DCDC1: variants seen among roughly 807,000 people sequenced by gnomAD.
DCDC1 encodes the protein doublecortin domain containing 1.
Under a neutral mutation model 178.3 loss-of-function variants are expected in DCDC1, and 200 were observed. The ratio of observed to expected loss-of-function variants is 1.12; its 90% CI spans 1.00 to 1.26. The LOEUF (loss-of-function observed/expected upper bound fraction) is 1.26. DCDC1 is among the 50% of genes most tolerant of loss of function. The pLI is 0.00. For synonymous variants in DCDC1, 690 were observed against 604.8 expected, an observed-to-expected ratio of 1.14 and a Z score of -2.07; for missense variants, 1,983 against 1,749.2, an observed-to-expected ratio of 1.13 and a Z score of -2.38.
intron 9 of DCDC1, among the ~76,000 whole-genome samples, chr11:31,144,430 C>A (rs574948320): frequency 6.6e-6 from 1 of 152,268 alleles, no homozygotes; most frequent in Non-Finnish European, 1.5e-5. Flanking sequence ...AACCACCGTG[C>A]CCGGCCAAAG....
intron 7 of DCDC1, among the ~76,000 whole-genome samples, chr11:31,270,216 C>A (rs921412219): frequency 6.6e-6 from 1 of 152,244 alleles, no homozygotes; most frequent in African/African-American, 2.4e-5. Flanking sequence ...TTTTGAATTC[C>A]TAAAACAGAA....
intron 1 of DCDC1, among the ~76,000 whole-genome samples, chr11:31,351,293 C>A (rs1480204365): frequency 6.6e-6 from 1 of 151,998 alleles, no homozygotes. Context: ...ATGGCTCTGG[C>A]ATATTTATTT....
At chr11:31,158,169 C>T (rs779164212) in intron 9 of DCDC1, among the ~76,000 whole-genome samples, 16 of 152,144 alleles carry the variant, frequency 1.1e-4, no homozygotes, top group East Asian at 3.9e-4. Context: ...AGTGCAGTGG[C>T]GCAATCTCGG....
At chr11:30,944,957 G>GTTT (rs1391698445) in intron 21 of DCDC1, among the ~76,000 whole-genome samples, 14 of 109,024 alleles carry the variant, frequency 1.3e-4, no homozygotes, top group African/African-American at 5.2e-4. Flanking sequence ...CAACAAAAAT[G>GTTT]TCTTTTTTTT....
chr11:30,935,056 T>C (rs1297260139), intron 21 of DCDC1, among the ~76,000 whole-genome samples: 2 of 152,264 alleles, frequency 1.3e-5, no homozygotes, highest in East Asian at 3.9e-4. Flanking sequence ...ATACCTGAGA[T>C]GCTACTTTTG....
intron 21 of DCDC1, chr11:30,943,676 T>C (rs1253936203): frequency 4.4e-6 from 2 of 452,706 alleles, no homozygotes; most frequent in Admixed American, 4.8e-5. Context: ...TCCAGTGAAC[T>C]TAGTCACAAA....
At chr11:30,969,197 T>C (rs1409618105) in intron 20 of DCDC1, among the ~76,000 whole-genome samples, 1 of 152,142 alleles carries the variant, frequency 6.6e-6, no homozygotes, top group Non-Finnish European at 1.5e-5. Context: ...AAAATTAAAC[T>C]TTGTGGGTAT....
chr11:31,124,591 G>A (rs1961323662), intron 11 of DCDC1, among the ~76,000 whole-genome samples: 1 of 152,062 alleles, frequency 6.6e-6, no homozygotes, highest in Non-Finnish European at 1.5e-5. Context: ...CAGACATGTA[G>A]ACCAATGGAA....
chr11:31,185,672 G>T (rs1969391269), intron 9 of DCDC1, among the ~76,000 whole-genome samples: 1 of 152,100 alleles, frequency 6.6e-6, no homozygotes, highest in South Asian at 2.1e-4. Flanking sequence ...TTTAAGATTT[G>T]GATGCCAATC....
intron 9 of DCDC1, among the ~76,000 whole-genome samples, chr11:31,231,875 T>G (rs1004127088): frequency 6.6e-6 from 1 of 152,242 alleles, no homozygotes; most frequent in Non-Finnish European, 1.5e-5. Flanking sequence ...AGGAAAACAC[T>G]TCTTGGCATG....
At chr11:31,216,249 A>C (rs1457958797) in intron 9 of DCDC1, among the ~76,000 whole-genome samples, 1 of 152,162 alleles carries the variant, frequency 6.6e-6, no homozygotes, top group Non-Finnish European at 1.5e-5. Context: ...GGCATGATAG[A>C]CATGGGTAGA....
intron 6 of DCDC1, among the ~76,000 whole-genome samples, chr11:31,292,670 T>C (rs1174679492): frequency 6.6e-6 from 1 of 152,000 alleles, no homozygotes; most frequent in Non-Finnish European, 1.5e-5. Context: ...ATGATGGAAA[T>C]ATTTTGGAAC....
At chr11:30,884,272 C>A (rs184340057) in intron 36 of DCDC1, among the ~76,000 whole-genome samples, 10 of 152,092 alleles carry the variant, frequency 6.6e-5, no homozygotes, top group Non-Finnish European at 5.9e-5. Context: ...TTCAATCAGT[C>A]CCCCCACCTC....
chr11:31,293,193 C>T (rs183870716), intron 6 of DCDC1, among the ~76,000 whole-genome samples: 1 of 152,178 alleles, frequency 6.6e-6, no homozygotes, highest in Admixed American at 6.5e-5. Context: ...TATTATGGAG[C>T]ATTGGAGTAT....
Position 30,922,591 on chromosome 11 carries a change from A to G in DCDC1, c.3045T>C (p.Ile1015=), listed in dbSNP as rs376732851. The change falls in exon 24 of 39, where the codon ATT becomes ATC. Residue 1015 remains isoleucine (I), a synonymous_variant. Coordinates refer to ENST00000684477, the MANE Select transcript of DCDC1 (RefSeq NM_001387274.1). ...GELWINPDLS[I]AQQKKQIFLR... is the part of the protein sequence containing the mutation. ...GGAATATTTGTTTCTTTTGCTGAGC[A>G]ATGGACAGGTCAGGATTGATCCAGA... 13 of 1,587,502 alleles carry G rather than the reference A, an allele frequency of 8.2e-6. No homozygotes were observed. The highest frequency in any genetic ancestry group is 1.1e-5 in the Non-Finnish European group (13 of 1,170,784).
intron 29 of DCDC1, among the ~76,000 whole-genome samples, chr11:30,907,711 C>T (rs1361210809): frequency 6.6e-6 from 1 of 152,152 alleles, no homozygotes; most frequent in Non-Finnish European, 1.5e-5. Flanking sequence ...CATAAAAACA[C>T]CCAACTACTA....
At chr11:31,147,012 G>T (rs1470730089) in intron 9 of DCDC1, among the ~76,000 whole-genome samples, 6 of 152,074 alleles carry the variant, frequency 3.9e-5, no homozygotes, top group Admixed American at 1.3e-4. Context: ...ATATTAAGGG[G>T]AGTGGGGCAG....
intron 20 of DCDC1, among the ~76,000 whole-genome samples, chr11:31,028,820 G>T (rs1415261647): frequency 6.6e-6 from 1 of 151,920 alleles, no homozygotes; most frequent in Non-Finnish European, 1.5e-5. Flanking sequence ...AGGGAGTTTT[G>T]TCTATTTAAA....
intron 20 of DCDC1, among the ~76,000 whole-genome samples, chr11:31,018,892 G>A (rs149226057): frequency 1.2e-4 from 19 of 152,204 alleles, no homozygotes; most frequent in African/African-American, 4.3e-4. Flanking sequence ...GGCTTTTATA[G>A]GTACTGCAAC....
Sources: gnomAD v4.1 joint callset for allele counts (sites outside exome capture counted in the v4.1 genomes callset) on GRCh38, gnomAD v4.1.1 for gene constraint, MANE v1.5 for transcripts, NCBI Gene and HGNC (gene_info 2026-07-23, HGNC 2026-07-21) for gene names.